PRKCH: variants seen among roughly 807,000 people sequenced by gnomAD.
PRKCH encodes protein kinase C eta, also known as protein kinase C eta type.
A neutral mutation model predicts 82.5 loss-of-function variants in PRKCH; 28 were observed. The ratio of observed to expected loss-of-function variants is 0.34; its 90% CI spans 0.25 to 0.47. The LOEUF is 0.47. PRKCH is among the 20% of genes least tolerant of loss of function. The pLI is 1.00. For synonymous variants in PRKCH, 322 were observed against 327.4 expected (o/e 0.98, Z 0.18); for missense variants, 705 against 881.8 (o/e 0.80, Z 2.54).
intron 9 of PRKCH, among the ~76,000 whole-genome samples, chr14:61,481,307 C>G (rs74057718): frequency 0.018 from 2,699 of 152,270 alleles, 78 homozygotes; most frequent in African/African-American, 0.062. Context: ...GCACCAGGCT[C>G]CAAGTGGAGC....
At chr14:61,311,694 G>C (rs1453149571) in intron 1 of PRKCH, among the ~76,000 whole-genome samples, 1 of 152,216 alleles carries the variant, frequency 6.6e-6, no homozygotes, top group East Asian at 1.9e-4. Flanking sequence ...ATAAAGAAAA[G>C]AGGTTTAATT....
intron 1 of PRKCH, among the ~76,000 whole-genome samples, chr14:61,301,456 T>C (rs1183674108): frequency 1.3e-5 from 2 of 152,258 alleles, no homozygotes; most frequent in Non-Finnish European, 1.5e-5. Flanking sequence ...ATATTTAAGA[T>C]TTAAAATGTC....
At chr14:61,255,156 G>A (rs1037123023) in intron 1 of PRKCH, among the ~76,000 whole-genome samples, 1 of 152,172 alleles carries the variant, frequency 6.6e-6, no homozygotes, top group African/African-American at 2.4e-5. Context: ...GTTTCTCAAC[G>A]TTGTCCTCTA....
At chr14:61,459,045 G>A (rs1209502292) in intron 9 of PRKCH, among the ~76,000 whole-genome samples, 1 of 152,206 alleles carries the variant, frequency 6.6e-6, no homozygotes, top group Non-Finnish European at 1.5e-5. Flanking sequence ...TCAGCCCCTG[G>A]AGCAGGGCAT....
At chr14:61,315,778 C>T (rs763487447) in intron 1 of PRKCH, among the ~76,000 whole-genome samples, 1 of 139,896 alleles carries the variant, frequency 7.1e-6, no homozygotes, top group Non-Finnish European at 1.5e-5. Context: ...GAGACGGAGT[C>T]GCTCTGTCAC....
rs535663167 is a variant in PRKCH at position 61,228,309 on chromosome 14, T to A, written c.-19+40641T>A. Among the ~76,000 whole-genome samples, 166 of 152,312 alleles carry A rather than the reference T, an allele frequency of 1.1e-3. 1 individual carries two copies. The highest frequency in any genetic ancestry group is 6.8e-3 in the Middle Eastern group (2 of 294). On this transcript the variant is annotated intron_variant, in intron 1 of 3. Transcript: ENST00000555185. ...AGAAGACAGAGAGAAAAGCAATTTT[T>A]AAAGTCTAGACAGCATATTAACAAC...
At chr14:61,243,928 T>C (rs983547965) in intron 1 of PRKCH, among the ~76,000 whole-genome samples, 1 of 143,804 alleles carries the variant, frequency 7.0e-6, no homozygotes, top group Non-Finnish European at 1.5e-5. Context: ...CTAGACAAGA[T>C]GGCAAGACCT....
At chr14:61,292,168 A>G (rs112781522) in intron 1 of PRKCH, among the ~76,000 whole-genome samples, 3,019 of 152,144 alleles carry the variant, frequency 0.02, 56 homozygotes, top group Middle Eastern at 0.054. Context: ...GCTCCAATCA[A>G]TAAGGAAAAT....
chr14:61,462,058 A>G lies in PRKCH; in HGVS notation c.1278+4379A>G, dbSNP rs182075745. ...TAGATGTCTCCAAAGCAAAGGATAA[A>G]GGGAATGTACCCCTGCTTTAGGCTA... On this transcript the variant is annotated intron_variant, in intron 9 of 13. Transcript: ENST00000332981. Among the ~76,000 whole-genome samples the G allele has an allele frequency of 4.9e-3, 740 of 152,322 alleles. 9 individuals are homozygous for G. The highest frequency in any genetic ancestry group is 0.017 in the African/African-American group (716 of 41,568).
chr14:61,518,899 A>C (rs749016299), intron 10 of PRKCH, among the ~76,000 whole-genome samples: 2 of 152,136 alleles, frequency 1.3e-5, no homozygotes, highest in Non-Finnish European at 2.9e-5. Context: ...TGTAGCCTCC[A>C]ACCCCTGGGC....
rs932061305 is a variant in PRKCH at position 61,428,652 on chromosome 14, G to T, written c.428-14459G>T. Among the ~76,000 whole-genome samples the T allele has an allele frequency of 3.9e-5, 6 of 152,118 alleles. 1 individual carries two copies. Among genetic ancestry groups the T allele is most frequent in the African/African-American group, 1.4e-4 (6 of 41,414 alleles). ...TTTGTTGTAGGACCTTATCAACATA[G>T]ATTTTTTGATAATTGATCTACTTTA... is the stretch of plus-strand genomic sequence containing the variant. On this transcript the variant is annotated intron_variant, in intron 2 of 13. Coordinates refer to ENST00000332981, the MANE Select transcript of PRKCH (RefSeq NM_006255.5).
intron 12 of PRKCH, 37 bp downstream of exon 12, chr14:61,530,632 G>T: frequency 6.5e-7 from 1 of 1,544,868 alleles, no homozygotes; most frequent in Admixed American, 1.9e-5. Flanking sequence ...CTGATGTATT[G>T]CAAACCAGCT....
At chr14:61,225,798 G>A (rs115090083) in intron 1 of PRKCH, among the ~76,000 whole-genome samples, 4,507 of 151,832 alleles carry the variant, frequency 0.03, 229 homozygotes, top group African/African-American at 0.1. Context: ...GAGTGCAGTG[G>A]CACAATCTTG....
intron 3 of PRKCH, among the ~76,000 whole-genome samples, chr14:61,444,431 T>A (rs1432630208): frequency 6.7e-6 from 1 of 150,258 alleles, no homozygotes; most frequent in Non-Finnish European, 1.5e-5. Context: ...GTCACACTTT[T>A]CTGTTTCTTT....
chr14:61,220,768 A>T (rs563963083), intron 1 of PRKCH, among the ~76,000 whole-genome samples: 3 of 152,354 alleles, frequency 2.0e-5, no homozygotes, highest in African/African-American at 7.2e-5. Flanking sequence ...TTAGCTAAAA[A>T]TTAACATGAT....
intron 12 of PRKCH, among the ~76,000 whole-genome samples, chr14:61,534,296 G>A (rs1480148847): frequency 2.6e-5 from 4 of 152,310 alleles, no homozygotes; most frequent in East Asian, 1.9e-4. Flanking sequence ...ACAATAGCCC[G>A]AAGGTGGAAG....
At chr14:61,398,102 AG>A (rs2046811901) in intron 2 of PRKCH, among the ~76,000 whole-genome samples, 1 of 152,242 alleles carries the variant, frequency 6.6e-6, no homozygotes, top group South Asian at 2.1e-4. Flanking sequence ...ATTTTGAAAA[AG>A]CTGCCTAATG....
upstream of PRKCH, among the ~76,000 whole-genome samples, chr14:61,321,197 G>C (rs2045614334): frequency 6.6e-6 from 1 of 152,230 alleles, no homozygotes; most frequent in Admixed American, 6.5e-5. This position sits in a 1 kb window ranked among gnomAD's most constrained non-coding sequence, Gnocchi z 4.1. Context: ...GGCCTCTTGG[G>C]GATGGCCCTG....
chr14:61,379,068 G>C (rs979786381), intron 1 of PRKCH, among the ~76,000 whole-genome samples: 1 of 152,182 alleles, frequency 6.6e-6, no homozygotes, highest in Non-Finnish European at 1.5e-5. Context: ...CCAGCATGTC[G>C]TGAGGCCATT....
Sources: gnomAD v4.1 joint callset for allele counts (sites outside exome capture counted in the v4.1 genomes callset) on GRCh38, gnomAD v4.1.1 for gene constraint, Gnocchi (gnomAD v3.1) non-coding constraint, MANE v1.5 for transcripts, NCBI Gene and HGNC (gene_info 2026-07-23, HGNC 2026-07-21) for gene names.